The following SPRED2 variants were observed in gnomAD, a reference collection of about 807,000 sequenced individuals.
SPRED2 encodes sprouty-related, EVH1 domain-containing protein 2.
In SPRED2, 47 loss-of-function variants were observed where a neutral mutation model predicts 43.0. The ratio of observed to expected loss-of-function variants is 1.09; its 90% CI spans 0.87 to 1.40. The LOEUF is 1.40. Among genes scored for constraint, SPRED2 ranks in the 40% most tolerant of loss-of-function variants. The probability of loss-of-function intolerance (pLI) is 0.00; values close to 1 mark genes in which losing one functional copy is unlikely to be tolerated. For synonymous variants in SPRED2, 225 were observed against 225.7 expected (o/e 1.00, Z 0.03); for missense variants, 561 against 586.4 (o/e 0.96, Z 0.45).
chr2:65,368,362 C>G (rs996852614), intron 1 of SPRED2, among the ~76,000 whole-genome samples: 1 of 152,190 alleles, frequency 6.6e-6, no homozygotes, highest in Admixed American at 6.5e-5. Flanking sequence ...TTCCTCCTCA[C>G]GAGGACTGCA....
rs767846403 is a variant in SPRED2, at chr2:65,313,975, C to T, written c.783G>A (p.Lys261=). Residue 261 remains lysine (K), a synonymous_variant, in exon 6 of 6, where the codon AAG becomes AAA. Transcript: ENST00000356388. The stretch of plus-strand genomic sequence containing the variant: ...CCACGTAGGGGTAGTTGTAGTCATG[C>T]TTGGGGACCTCGCCCTTGGCGAAGC... The part of the protein sequence containing the change: ...YVRFAKGEVP[K]HDYNYPYVDS... The T allele has an allele frequency of 1.2e-6, 2 of 1,613,088 alleles. No homozygotes were observed. Among genetic ancestry groups the T allele is most frequent in the Admixed American group, 3.3e-5 (2 of 60,030 alleles).
chr2:65,312,581 C>G lies in SPRED2; in HGVS notation c.*920G>C. On this transcript the variant is annotated 3_prime_UTR_variant, in exon 6 of 6. Coordinates refer to ENST00000356388, the MANE Select transcript of SPRED2 (RefSeq NM_181784.3). ...GTTTGCAAAACAACAAGCAAAATTT[C>G]TTACTTCACTAGTATCCTATTCTAA... The G allele has an allele frequency of 1.0e-6, 1 of 985,692 alleles. No homozygotes were observed. The highest frequency in any genetic ancestry group is 4.7e-5 in the South Asian group (1 of 21,288). The allele number at this position is 985,692 out of a possible 1,614,324, so 61.1% of individuals were successfully genotyped here.
chr2:65,359,608 C>T (rs965447957), intron 1 of SPRED2, among the ~76,000 whole-genome samples: 1 of 152,148 alleles, frequency 6.6e-6, no homozygotes, highest in African/African-American at 2.4e-5. Flanking sequence ...CCCAACCAAG[C>T]TTTAAGTCAT....
chr2:65,311,196 G>A lies in SPRED2; in HGVS notation c.*2305C>T, dbSNP rs1458064027. The A allele has an allele frequency of 9.1e-6, 9 of 985,666 alleles. No homozygotes were observed. The highest frequency in any genetic ancestry group is 1.1e-5 in the Non-Finnish European group (9 of 829,906). 61.1% of individuals were successfully genotyped at this position (985,666 alleles called of 1,614,324 possible). On this transcript the variant is annotated 3_prime_UTR_variant, in exon 6 of 6. Transcript: ENST00000356388. ...GAATAATTTCTCTCAAATGATTGAC[G>A]TCAGTATGGCAAAGCTGACTGGGAA...
In SPRED2 at chr2:65,311,432, A is replaced by G. The variant is rs1460605024; in HGVS notation, c.*2069T>C. 1 of 985,804 alleles carries G rather than the reference A, an allele frequency of 1.0e-6. No individual in the cohort carries two copies. Among genetic ancestry groups the G allele is most frequent in the Admixed American group, 6.1e-5 (1 of 16,268 alleles). The allele number at this position is 985,804 out of a possible 1,614,324, so 61.1% of individuals were successfully genotyped here. ...TAACAACTAAATAGAGGTGACAAACAAAAAACAGCTGGGATATGTGCGTTC... is the reference window on the plus strand; with the variant it reads ...TAACAACTAAATAGAGGTGACAAACGAAAAACAGCTGGGATATGTGCGTTC... On this transcript the variant is annotated 3_prime_UTR_variant, in exon 6 of 6. Coordinates refer to ENST00000356388, the MANE Select transcript of SPRED2 (RefSeq NM_181784.3).
Position 65,334,676 on chromosome 2 carries a change from G to GT in SPRED2, c.301dup (p.Thr101AsnfsTer7), listed in dbSNP as rs754129301. The GT allele has an allele frequency of 1.2e-6, 2 of 1,614,212 alleles. No homozygotes were observed. Among genetic ancestry groups the GT allele is most frequent in the Non-Finnish European group, 8.5e-7 (1 of 1,180,028 alleles). On this transcript the variant is annotated frameshift_variant, in exon 3 of 6. Coordinates refer to ENST00000356388, the MANE Select transcript of SPRED2 (RefSeq NM_181784.3). LOFTEE classifies it high-confidence loss of function. ...TCGGGCATCAGCAGGGCTTTGGAAA[G>GT]TAAGTCCAAACTTCCTATTATCGAC...
Position 65,432,514 on chromosome 2 carries a change from A to G in SPRED2, c.-527T>C, listed in dbSNP as rs1050100304. 2.0e-5 allele frequency: 3 copies of G among 152,898 alleles called. No individual in the cohort carries two copies. The highest frequency in any genetic ancestry group is 4.8e-5 in the African/African-American group (2 of 41,392). The allele number at this position is 152,898 out of a possible 1,614,324, so 9.5% of individuals were successfully genotyped here. ...TCTCTCGACTCCACCGATTTACTCCATATTGGATTCTCACCGCCGCCAACA... is the reference window on the plus strand; with the variant it reads ...TCTCTCGACTCCACCGATTTACTCCGTATTGGATTCTCACCGCCGCCAACA... On this transcript the variant is annotated 5_prime_UTR_variant, in exon 1 of 6. An upstream start codon of the reference 5' UTR is lost. Transcript: ENST00000356388.
At chr2:65,315,690 A>C (rs908080938) in intron 5 of SPRED2, among the ~76,000 whole-genome samples, 4 of 152,228 alleles carry the variant, frequency 2.6e-5, no homozygotes, top group African/African-American at 9.6e-5. Context: ...TTTGAGATGG[A>C]GTCTTGCTCT....
At chr2:65,400,937 T>C (rs1675870214) in intron 1 of SPRED2, among the ~76,000 whole-genome samples, 1 of 152,120 alleles carries the variant, frequency 6.6e-6, no homozygotes, top group African/African-American at 2.4e-5. Flanking sequence ...TCTGGGCTTA[T>C]ACTGTTTTTA....
At chr2:65,347,798 G>A (rs1371924606) in intron 1 of SPRED2, among the ~76,000 whole-genome samples, 2 of 152,090 alleles carry the variant, frequency 1.3e-5, no homozygotes, top group African/African-American at 4.8e-5. Context: ...GTTTCAGGTT[G>A]AACTCTCTTG....
chr2:65,415,053 T>C (rs1317211375), intron 1 of SPRED2, among the ~76,000 whole-genome samples: 1 of 152,194 alleles, frequency 6.6e-6, no homozygotes, highest in Non-Finnish European at 1.5e-5. Context: ...TCCCAAACTA[T>C]TGGGATTACA....
rs1572826200 is a variant in SPRED2 at position 65,313,478 on chromosome 2, A to G, written c.*23T>C. On this transcript the variant is annotated 3_prime_UTR_variant, in exon 6 of 6. Coordinates refer to ENST00000356388, the MANE Select transcript of SPRED2 (RefSeq NM_181784.3). ...CGAGTTCCCCTGTGGCTGCGGATGGAGGGAGAAGGGAGGGAAACTGAGTCA... is the reference window on the plus strand; with the variant it reads ...CGAGTTCCCCTGTGGCTGCGGATGGGGGGAGAAGGGAGGGAAACTGAGTCA... The G allele has an allele frequency of 6.3e-7, 1 of 1,577,692 alleles. No individual in the cohort carries two copies.
chr2:65,335,830 A>G (rs1250146729), intron 2 of SPRED2, among the ~76,000 whole-genome samples: 1 of 152,216 alleles, frequency 6.6e-6, no homozygotes, highest in African/African-American at 2.4e-5. Context: ...TATTCATTAA[A>G]AAACTCAGAC....
At chr2:65,341,102 GGC>G (rs1306474563) in intron 2 of SPRED2, among the ~76,000 whole-genome samples, 1 of 55,208 alleles carries the variant, frequency 1.8e-5, no homozygotes, top group Non-Finnish European at 3.5e-5. Flanking sequence ...ACTGGGTACG[GGC>G]GTGTGTGTGT....
At chr2:65,339,719 T>TAA (rs1261310619) in intron 2 of SPRED2, among the ~76,000 whole-genome samples, 2 of 84,000 alleles carry the variant, frequency 2.4e-5, no homozygotes, top group Non-Finnish European at 4.4e-5. Context: ...TAAAATAAAA[T>TAA]TAAAAAAAAA....
intron 1 of SPRED2, among the ~76,000 whole-genome samples, chr2:65,387,847 C>T (rs1572887186): frequency 6.6e-6 from 1 of 151,356 alleles, no homozygotes; most frequent in East Asian, 1.9e-4. Flanking sequence ...GGCTGGAGTG[C>T]AGTGGCATGA....
chr2:65,345,024 G>A (rs542047913), intron 1 of SPRED2, 128 bp from the exon 2 acceptor site: 9 of 871,148 alleles, frequency 1.0e-5, no homozygotes, highest in African/African-American at 6.8e-5. Flanking sequence ...TATGCTTGGC[G>A]GCAACCTTAA....
At chr2:65,379,904 C>T (rs1285903219) in intron 1 of SPRED2, among the ~76,000 whole-genome samples, 2 of 152,178 alleles carry the variant, frequency 1.3e-5, no homozygotes, top group Non-Finnish European at 2.9e-5. Context: ...TTGAACTTTG[C>T]TTTATCGTGT....
At chr2:65,402,211 G>A (rs1675918807) in intron 1 of SPRED2, among the ~76,000 whole-genome samples, 2 of 141,228 alleles carry the variant, frequency 1.4e-5, no homozygotes, top group East Asian at 2.1e-4. Flanking sequence ...CCCGGGAGGC[G>A]AAGGTTTCAT....
Sources: allele counts gnomAD v4.1 joint callset (sites outside exome capture counted in the v4.1 genomes callset), GRCh38; gene constraint gnomAD v4.1.1; transcripts MANE v1.5; gene names NCBI Gene and HGNC (gene_info 2026-07-23, HGNC 2026-07-21).